The following CLTRN variants were observed in gnomAD, a reference collection of about 807,000 sequenced individuals.
CLTRN encodes collectrin.
A neutral mutation model predicts 14.5 loss-of-function variants in CLTRN; 12 were observed. The observed-to-expected ratio is 0.83, with a 90% CI of 0.53 to 1.34. The LOEUF (loss-of-function observed/expected upper bound fraction) is 1.34. CLTRN is among the 40% of genes most tolerant of loss of function. CLTRN has a pLI of 0.00. For synonymous variants in CLTRN, 58 were observed against 56.5 expected (o/e 1.03, Z -0.12); for missense variants, 154 against 165.1 (o/e 0.93, Z 0.37).
intron 4 of CLTRN, among the ~76,000 whole-genome samples, chrX:15,642,450 T>C (rs1459199014): frequency 8.9e-6 from 1 of 112,741 alleles, no homozygotes; most frequent in Non-Finnish European, 1.9e-5. Flanking sequence ...TCAATTATTT[T>C]ACTTGAAATG....
At chrX:15,641,636 CTGTG>C (rs56407617) in intron 4 of CLTRN, among the ~76,000 whole-genome samples, 1,127 of 88,445 alleles carry the variant, frequency 0.013, 9 homozygotes, top group Middle Eastern at 0.05. Context: ...CCACACCTGG[CTGTG>C]TGTGTGTGTG....
In CLTRN at chrX:15,638,452, A is replaced by G. The variant is rs933746658; in HGVS notation, c.512+1110T>C. 3.1e-5 allele frequency among the ~76,000 whole-genome samples: 3 copies of G among 97,088 alleles called. No homozygotes were observed. In the South Asian group the frequency reaches 1.6e-3, roughly 53 times the overall value. The allele number at this position is 97,088 out of a possible 115,157, so 84.3% of individuals were successfully genotyped here. On this transcript the variant is annotated intron_variant, in intron 5 of 5. Transcript: ENST00000380342. ...AACATATGGAAAGTAGTAAACTTCA[A>G]GAGGAGCATTTAGTCAACACATACT...
chrX:15,651,899 G>A (rs773625560), intron 3 of CLTRN, among the ~76,000 whole-genome samples: 10 of 111,261 alleles, frequency 9.0e-5, no homozygotes, highest in African/African-American at 2.0e-4. Context: ...TTACTTTCCC[G>A]AAACTTTATC....
At chrX:15,635,615 A>G (rs996147484) in intron 5 of CLTRN, among the ~76,000 whole-genome samples, 6 of 111,936 alleles carry the variant, frequency 5.4e-5, no homozygotes, top group African/African-American at 1.9e-4. Flanking sequence ...GTCTCACACC[A>G]AATACAAAAA....
At position 15,627,601 on chromosome X, in the gene CLTRN, C is replaced by T. The variant is rs1353111820; in HGVS notation, c.*370G>A. The T allele has an allele frequency of 1.7e-5, 2 of 119,941 alleles. No homozygotes were observed. The highest frequency in any genetic ancestry group is 3.4e-5 in the Non-Finnish European group (2 of 58,724). The allele number at this position is 119,941 out of a possible 1,213,427, so 9.9% of individuals were successfully genotyped here. On this transcript the variant is annotated 3_prime_UTR_variant, in exon 6 of 6. Coordinates refer to ENST00000380342, the MANE Select transcript of CLTRN (RefSeq NM_020665.6). ...AAGGATCCATTTTCAATGATTTCTA[C>T]ACCATATTATATGTATTCTCCACTG...
chrX:15,652,328 A>G (rs1345340869), intron 3 of CLTRN, among the ~76,000 whole-genome samples: 1 of 112,023 alleles, frequency 8.9e-6, no homozygotes, highest in African/African-American at 3.2e-5. Flanking sequence ...CATTTTCAAG[A>G]TTTTAAATAT....
intron 3 of CLTRN, among the ~76,000 whole-genome samples, chrX:15,658,354 G>A (rs1027911783): frequency 5.3e-5 from 6 of 112,498 alleles, no homozygotes; most frequent in East Asian, 5.6e-4. Flanking sequence ...CATGAGAGAC[G>A]TCTGCTATCA....
intron 3 of CLTRN, among the ~76,000 whole-genome samples, chrX:15,655,845 C>G (rs917965480): frequency 8.9e-6 from 1 of 112,220 alleles, no homozygotes; most frequent in Non-Finnish European, 1.9e-5. Flanking sequence ...AGTCTCCTTT[C>G]TTAAAGACAA....
chrX:15,646,456 G>GCCCCCCCCCCCCC, intron 3 of CLTRN: 1 of 286,257 alleles, frequency 3.5e-6, no homozygotes, highest in Admixed American at 4.2e-5. Context: ...AGAAAACCGC[G>GCCCCCCCCCCCCC]CACCCACCCC....
At chrX:15,659,337 T>C (rs1929451146) in intron 2 of CLTRN, among the ~76,000 whole-genome samples, 1 of 111,437 alleles carries the variant, frequency 9.0e-6, no homozygotes, top group African/African-American at 3.3e-5. Context: ...ACTATCTTCC[T>C]AAGAACCTGC....
upstream of CLTRN, among the ~76,000 whole-genome samples, chrX:15,667,186 G>A (rs1351284714): frequency 1.8e-5 from 2 of 111,481 alleles, no homozygotes; most frequent in African/African-American, 3.3e-5. Flanking sequence ...GCAGTGAGCC[G>A]AGATCGTGCC....
chrX:15,631,488 G>A (rs1004791732), intron 5 of CLTRN, among the ~76,000 whole-genome samples: 2 of 112,040 alleles, frequency 1.8e-5, no homozygotes, highest in African/African-American at 3.2e-5. Flanking sequence ...AGAGCTAGAC[G>A]TATGTGATGA....
chrX:15,632,622 T>C (rs1928722171), intron 5 of CLTRN, among the ~76,000 whole-genome samples: 2 of 109,856 alleles, frequency 1.8e-5, no homozygotes, highest in South Asian at 3.9e-4. Flanking sequence ...CTGGGTGTGG[T>C]GGCTCGCGCC....
chrX:15,632,956 C>CCTT (rs1569248569), intron 5 of CLTRN, among the ~76,000 whole-genome samples: 1 of 105,544 alleles, frequency 9.5e-6, no homozygotes, highest in Non-Finnish European at 1.9e-5. Context: ...CAATAAAAGA[C>CCTT]AGACAAATAT....
chrX:15,661,493 A>T (rs1371157331), intron 2 of CLTRN, among the ~76,000 whole-genome samples: 1 of 112,400 alleles, frequency 8.9e-6, no homozygotes, highest in Non-Finnish European at 1.9e-5. Context: ...CAAGTGTGAA[A>T]AGGATTGAAA....
intron 3 of CLTRN, chrX:15,646,718 G>A (rs1929085521): frequency 2.9e-6 from 1 of 341,196 alleles, no homozygotes; most frequent in Non-Finnish European, 5.9e-6. Context: ...ACAGGCTGCC[G>A]CTGCTGAGCA....
intron 3 of CLTRN, among the ~76,000 whole-genome samples, chrX:15,654,119 A>G (rs1368445904): frequency 1.8e-5 from 2 of 112,076 alleles, no homozygotes; most frequent in Non-Finnish European, 3.8e-5. Context: ...GTTTCTGGAA[A>G]TCAAAAGGAC....
At chrX:15,633,451 C>T (rs1484971756) in intron 5 of CLTRN, among the ~76,000 whole-genome samples, 1 of 112,376 alleles carries the variant, frequency 8.9e-6, no homozygotes, top group Non-Finnish European at 1.9e-5. Context: ...AAGGAGTTGA[C>T]CTAGAACTCT....
chrX:15,645,450 G>GC (rs1482919354), intron 3 of CLTRN, among the ~76,000 whole-genome samples: 2 of 111,212 alleles, frequency 1.8e-5, no homozygotes, highest in South Asian at 3.8e-4. Context: ...AGGATCTGCT[G>GC]CCCCCTCATG....
Sources: gnomAD v4.1 joint callset for allele counts (sites outside exome capture counted in the v4.1 genomes callset) on GRCh38, gnomAD v4.1.1 for gene constraint, MANE v1.5 for transcripts, NCBI Gene and HGNC (gene_info 2026-07-23, HGNC 2026-07-21) for gene names.